Variants in SLC24A2 observed in about 807,000 individuals in gnomAD.
SLC24A2 encodes the protein sodium/potassium/calcium exchanger 2.
A neutral mutation model predicts 62.0 loss-of-function variants in SLC24A2; 36 were observed. That is an observed-to-expected ratio of 0.58 (90% CI 0.44 to 0.77). The LOEUF (loss-of-function observed/expected upper bound fraction) is 0.77. SLC24A2 is among the 30% of genes least tolerant of loss of function. SLC24A2 has a pLI of 0.00. For synonymous variants in SLC24A2, 358 were observed against 294.0 expected (o/e 1.22, Z -2.23); for missense variants, 846 against 817.9 (o/e 1.03, Z -0.42).
At chr9:19,643,928 A>G (rs1194220718) in intron 2 of SLC24A2, among the ~76,000 whole-genome samples, 3 of 152,204 alleles carry the variant, frequency 2.0e-5, no homozygotes, top group Admixed American at 6.5e-5. Context: ...TTGGAACTCA[A>G]CTGAGTGGGA....
chr9:20,058,710 G>A, the SLC24A2 span, among the ~76,000 whole-genome samples: 1 of 152,156 alleles, frequency 6.6e-6, no homozygotes, highest in African/African-American at 2.4e-5. Flanking sequence ...AGGCTGCAGT[G>A]AACTACGATT....
the SLC24A2 span, among the ~76,000 whole-genome samples, chr9:20,051,657 C>CTCTCTTTTT: frequency 1.4e-5 from 1 of 73,504 alleles, no homozygotes; most frequent in Admixed American, 2.0e-4. Flanking sequence ...TTTTCTTTCT[C>CTCTCTTTTT]TTTTTTTTTT....
At chr9:20,195,911 A>T in the SLC24A2 span, among the ~76,000 whole-genome samples, 1 of 152,216 alleles carries the variant, frequency 6.6e-6, no homozygotes, top group African/African-American at 2.4e-5. Context: ...AGGTTATATA[A>T]AACCATAAGA....
chr9:19,674,278 T>C (rs1282747755), intron 2 of SLC24A2, among the ~76,000 whole-genome samples: 1 of 152,232 alleles, frequency 6.6e-6, no homozygotes, highest in African/African-American at 2.4e-5. Context: ...TACCTGGTGC[T>C]TTCACCTCAC....
chr9:19,720,528 T>C (rs1820991905), intron 2 of SLC24A2, among the ~76,000 whole-genome samples: 1 of 152,208 alleles, frequency 6.6e-6, no homozygotes, highest in Non-Finnish European at 1.5e-5. Context: ...CCTGAATGAA[T>C]TCCTAACTGG....
chr9:20,096,923 A>G, the SLC24A2 span, among the ~76,000 whole-genome samples: 1 of 152,122 alleles, frequency 6.6e-6, no homozygotes, highest in Non-Finnish European at 1.5e-5. Flanking sequence ...TCCCAAATCT[A>G]CACTTGGAAG....
the SLC24A2 span, among the ~76,000 whole-genome samples, chr9:19,881,708 A>G: frequency 6.6e-6 from 1 of 152,052 alleles, no homozygotes; most frequent in African/African-American, 2.4e-5. Flanking sequence ...TTCTCATTTT[A>G]TTTTTTGCTG....
At chr9:20,093,341 G>A in the SLC24A2 span, among the ~76,000 whole-genome samples, 33 of 151,878 alleles carry the variant, frequency 2.2e-4, no homozygotes, top group African/African-American at 8.0e-4. Context: ...CAAAGTGCTG[G>A]GATTATAGGC....
the SLC24A2 span, among the ~76,000 whole-genome samples, chr9:20,019,291 G>GA: frequency 6.7e-6 from 1 of 149,728 alleles, no homozygotes; most frequent in East Asian, 1.9e-4. Flanking sequence ...AAGAAAGAAA[G>GA]AAAGAAAGAA....
At chr9:19,879,532 TG>T in the SLC24A2 span, among the ~76,000 whole-genome samples, 1 of 152,244 alleles carries the variant, frequency 6.6e-6, no homozygotes, top group Admixed American at 6.5e-5. Flanking sequence ...AATGTTAAAA[TG>T]TTGTTGGTTT....
chr9:19,843,469 G>T, the SLC24A2 span, among the ~76,000 whole-genome samples: 1 of 152,174 alleles, frequency 6.6e-6, no homozygotes, highest in Non-Finnish European at 1.5e-5. Flanking sequence ...CTGAGATTTT[G>T]CCATTGTGCT....
intron 2 of SLC24A2, among the ~76,000 whole-genome samples, chr9:19,683,236 G>A (rs915550657): frequency 2.6e-5 from 4 of 152,166 alleles, no homozygotes; most frequent in African/African-American, 9.6e-5. Flanking sequence ...CAGGCAAGAT[G>A]CAGTTTAGTG....
the SLC24A2 span, among the ~76,000 whole-genome samples, chr9:20,165,459 G>C: frequency 6.6e-6 from 1 of 151,936 alleles, no homozygotes; most frequent in East Asian, 1.9e-4. Context: ...CACATGACTA[G>C]AAAGATCAAT....
At chr9:20,209,703 T>A in the SLC24A2 span, among the ~76,000 whole-genome samples, 2 of 152,106 alleles carry the variant, frequency 1.3e-5, no homozygotes, top group Non-Finnish European at 2.9e-5. Context: ...CATGAAGTAA[T>A]CACAGACTTT....
chr9:19,546,444 G>C (rs1441820177), intron 8 of SLC24A2, among the ~76,000 whole-genome samples: 1 of 152,112 alleles, frequency 6.6e-6, no homozygotes, highest in African/African-American at 2.4e-5. Flanking sequence ...GCTGCAGTGG[G>C]CTCCACCCAG....
chr9:20,258,804 C>CTATCTATCTATCATCTATCT, the SLC24A2 span, among the ~76,000 whole-genome samples: 1 of 124,260 alleles, frequency 8.0e-6, no homozygotes, highest in African/African-American at 2.8e-5. Flanking sequence ...ATCTATCTAT[C>CTATCTATCTATCATCTATCT]TATCTATCTA....
chr9:19,593,028 G>A (rs1215793060), intron 5 of SLC24A2, among the ~76,000 whole-genome samples: 8 of 152,216 alleles, frequency 5.3e-5, no homozygotes, highest in African/African-American at 1.7e-4. Context: ...AAGGTGCTCA[G>A]TTATTATTAA....
the SLC24A2 span, among the ~76,000 whole-genome samples, chr9:19,829,810 TACAC>T: frequency 0.013 from 442 of 34,074 alleles, 6 homozygotes; most frequent in Middle Eastern, 0.038. Flanking sequence ...TATATATATA[TACAC>T]ACACACACAC....
the SLC24A2 span, among the ~76,000 whole-genome samples, chr9:20,213,436 T>C: frequency 1.3e-5 from 2 of 148,792 alleles, no homozygotes; most frequent in Non-Finnish European, 2.9e-5. Context: ...CAAAAATTTT[T>C]AAGAAAAACT....
Sources: allele counts gnomAD v4.1 joint callset (sites outside exome capture counted in the v4.1 genomes callset), GRCh38; gene constraint gnomAD v4.1.1; transcripts MANE v1.5; gene names NCBI Gene and HGNC (gene_info 2026-07-23, HGNC 2026-07-21).